OGFRL1: variants seen among roughly 807,000 people sequenced by gnomAD.
OGFRL1 encodes the protein opioid growth factor receptor like 1.
A neutral mutation model predicts 32.4 loss-of-function variants in OGFRL1; 26 were observed. The observed-to-expected ratio is 0.80, with a 90% CI of 0.59 to 1.11. OGFRL1 has a LOEUF of 1.11. Among genes scored for constraint, OGFRL1 ranks in the 50% most tolerant of loss-of-function variants. The pLI is 0.00. For synonymous variants in OGFRL1, 211 were observed against 201.2 expected (o/e 1.05, Z -0.41); for missense variants, 521 against 546.4 (o/e 0.95, Z 0.46).
intron 6 of OGFRL1, among the ~76,000 whole-genome samples, chr6:71,300,542 G>T (rs1028793847): frequency 6.6e-6 from 1 of 152,002 alleles, no homozygotes; most frequent in Non-Finnish European, 1.5e-5. Flanking sequence ...ATTAGGTTAA[G>T]TTGGATAGGT....
chr6:71,294,413 T>C (rs1766141000), intron 3 of OGFRL1, among the ~76,000 whole-genome samples: 1 of 152,214 alleles, frequency 6.6e-6, no homozygotes, highest in South Asian at 2.1e-4. Context: ...CAGTGGAAAC[T>C]GAGCCAGTTC....
intron 2 of OGFRL1, 37 bp from the exon 3 acceptor site, chr6:71,293,496 T>G (rs750418091): frequency 6.3e-7 from 1 of 1,583,460 alleles, no homozygotes; most frequent in Non-Finnish European, 8.7e-7. Flanking sequence ...ACTGTATTTC[T>G]ATGTGCTGGA....
chr6:71,294,893 A>G (rs1766155651), intron 3 of OGFRL1, among the ~76,000 whole-genome samples: 1 of 152,164 alleles, frequency 6.6e-6, no homozygotes, highest in Non-Finnish European at 1.5e-5. Flanking sequence ...AAAATATTAA[A>G]CATAAAGCTA....
rs369684122 is a variant in OGFRL1 at position 71,293,257 on chromosome 6, G to T, written c.235-36G>T. ...AAATTTCTTTGTGAAATTATCTTGCGTCAACATGTAAACGGAGTTTCACCT... is the reference window on the plus strand; with the variant it reads ...AAATTTCTTTGTGAAATTATCTTGCTTCAACATGTAAACGGAGTTTCACCT... On this transcript the variant is annotated intron_variant, in intron 1 of 6. Coordinates refer to ENST00000370435, the MANE Select transcript of OGFRL1 (RefSeq NM_024576.5). 3 of 1,540,294 alleles carry T rather than the reference G, an allele frequency of 1.9e-6. No homozygotes were observed. In the Admixed American group the frequency reaches 5.2e-5, roughly 27 times the overall value.
chr6:71,290,455 A>G (rs1253276919), intron 1 of OGFRL1, among the ~76,000 whole-genome samples: 1 of 152,188 alleles, frequency 6.6e-6, no homozygotes, highest in Admixed American at 6.5e-5. Flanking sequence ...GAAATTTGGA[A>G]TATCAAAAAA....
rs1332687773 is a variant in OGFRL1, at chr6:71,307,373, A to G, written c.*5324A>G. On this transcript the variant is annotated 3_prime_UTR_variant, in exon 7 of 7. Transcript: ENST00000370435. ...ACAATTTTGATGGGTATCAGTTCTC[A>G]TAAAATACCTGCTACAATTTATTTA... The G allele has an allele frequency of 2.0e-5, 3 of 152,218 alleles. No homozygotes were observed. The highest frequency in any genetic ancestry group is 4.4e-5 in the Non-Finnish European group (3 of 68,038). 9.4% of individuals were successfully genotyped at this position (152,218 alleles called of 1,614,324 possible).
chr6:71,295,426 A>C (rs1322290192), intron 3 of OGFRL1: 1 of 152,218 alleles, frequency 6.6e-6, no homozygotes, highest in Non-Finnish European at 1.5e-5. Context: ...CATTGACTAA[A>C]TGGCTAGTCA....
chr6:71,301,914 T>C lies in OGFRL1; in HGVS notation c.1221T>C (p.Pro407=), dbSNP rs1192020164. Residue 407 remains proline (P), a synonymous_variant, in exon 7 of 7, where the codon CCT becomes CCC. Transcript: ENST00000370435. ...DSNAENMNSQ[P]EKTVTTPTEK... The stretch of plus-strand genomic sequence containing the variant: ...ATGCTGAGAACATGAATTCTCAACC[T>C]GAGAAAACAGTTACTACTCCCACAG... 1 of 1,613,654 alleles carries C rather than the reference T, an allele frequency of 6.2e-7. No individual in the cohort carries two copies. Among genetic ancestry groups the C allele is most frequent in the African/African-American group, 1.3e-5 (1 of 74,854 alleles).
In OGFRL1 at chr6:71,303,297, C is replaced by G. The variant is rs1233092592; in HGVS notation, c.*1248C>G. On this transcript the variant is annotated 3_prime_UTR_variant, in exon 7 of 7. Transcript: ENST00000370435. ...CTGCAGAGGGTCCTGGAACCAACCC[C>G]CTACAGATATCAAGGGACCACTATA... 6.6e-6 allele frequency: 1 copy of G among 152,116 alleles called. No homozygotes were observed. Among genetic ancestry groups the G allele is most frequent in the Non-Finnish European group, 1.5e-5 (1 of 68,010 alleles). The allele number at this position is 152,116 out of a possible 1,614,324, so 9.4% of individuals were successfully genotyped here.
intron 3 of OGFRL1, among the ~76,000 whole-genome samples, 156 bp from the exon 4 acceptor site, chr6:71,296,161 T>C (rs572525526): frequency 1.3e-5 from 2 of 152,280 alleles, no homozygotes; most frequent in South Asian, 4.1e-4. Flanking sequence ...TAACCGAATA[T>C]ATGGGCATAG....
intron 6 of OGFRL1, among the ~76,000 whole-genome samples, chr6:71,297,903 T>C (rs1766262276): frequency 6.6e-6 from 1 of 151,638 alleles, no homozygotes; most frequent in African/African-American, 2.4e-5. Flanking sequence ...GCTGCACCTA[T>C]TTACTCGTCA....
In OGFRL1 at chr6:71,302,127, G is replaced by A. The variant is rs1582562305; in HGVS notation, c.*78G>A. 1 of 1,264,532 alleles carries A rather than the reference G, an allele frequency of 7.9e-7. No homozygotes were observed. Among genetic ancestry groups the A allele is most frequent in the South Asian group, 2.0e-5 (1 of 51,230 alleles). 78.3% of individuals were successfully genotyped at this position (1,264,532 alleles called of 1,614,324 possible). ...ATCATTTATCCTAAAGAACAGAGAT[G>A]AGGTCAATTTCAAATTTTAGCCATC... On this transcript the variant is annotated 3_prime_UTR_variant, in exon 7 of 7. Transcript: ENST00000370435.
At chr6:71,296,596 C>A in intron 5 of OGFRL1, 35 bp downstream of exon 5, 1 of 1,607,214 alleles carries the variant, frequency 6.2e-7, no homozygotes, top group Non-Finnish European at 8.5e-7. Flanking sequence ...TACAGGGTGG[C>A]CAAATAATAT....
intron 1 of OGFRL1, chr6:71,289,640 G>A (rs1765983287): frequency 1.0e-6 from 1 of 984,164 alleles, no homozygotes; most frequent in Non-Finnish European, 1.2e-6. Flanking sequence ...CTACAGTGGG[G>A]TCTAAGCCGT....
At chr6:71,296,285 G>A in intron 3 of OGFRL1, 32 bp from the exon 4 acceptor site, 2 of 1,428,124 alleles carry the variant, frequency 1.4e-6, no homozygotes, top group Non-Finnish European at 2.0e-6. Flanking sequence ...TGTTTGAAAT[G>A]TCTGGTTCAT....
In OGFRL1 at chr6:71,302,134, A is replaced by C; in HGVS notation, c.*85A>C. On this transcript the variant is annotated 3_prime_UTR_variant, in exon 7 of 7. Coordinates refer to ENST00000370435, the MANE Select transcript of OGFRL1 (RefSeq NM_024576.5). ...ATCCTAAAGAACAGAGATGAGGTCA[A>C]TTTCAAATTTTAGCCATCTGTTTGT... 8.3e-7 allele frequency: 1 copy of C among 1,208,982 alleles called. No homozygotes were observed. Among genetic ancestry groups the C allele is most frequent in the African/African-American group, 1.5e-5 (1 of 64,628 alleles). The allele number at this position is 1,208,982 out of a possible 1,614,324, so 74.9% of individuals were successfully genotyped here. A position where few individuals can be genotyped will look rare whatever the true frequency, so the allele number is the denominator to read the frequency against.
Position 71,301,635 on chromosome 6 carries a change from G to A in OGFRL1, c.942G>A (p.Pro314=), listed in dbSNP as rs774182663. The A allele has an allele frequency of 1.9e-5, 30 of 1,613,988 alleles. No individual in the cohort carries two copies. The highest frequency in any genetic ancestry group is 1.1e-4 in the South Asian group (10 of 91,078). Residue 314 remains proline (P), a synonymous_variant, in exon 7 of 7, where the codon CCG becomes CCA. Coordinates refer to ENST00000370435, the MANE Select transcript of OGFRL1 (RefSeq NM_024576.5). ...CTTCAGAGAACTTTATCTGGGGACCGCCTCGAAAAGAACAGTCGGAGGGAA... is the reference window on the plus strand; with the variant it reads ...CTTCAGAGAACTTTATCTGGGGACCACCTCGAAAAGAACAGTCGGAGGGAA... ...YTPSENFIWG[P]PRKEQSEGSK... is the part of the protein sequence containing the mutation.
intron 6 of OGFRL1, among the ~76,000 whole-genome samples, chr6:71,298,908 C>T (rs1265123167): frequency 6.6e-6 from 1 of 152,058 alleles, no homozygotes; most frequent in Non-Finnish European, 1.5e-5. Flanking sequence ...GAGTAGTTTA[C>T]AGTAGGCAGG....
At position 71,289,120 on chromosome 6, in the gene OGFRL1, G is replaced by A; in HGVS notation, c.184G>A (p.Gly62Ser). The A allele has an allele frequency of 1.8e-6, 2 of 1,109,828 alleles. No homozygotes were observed. Among genetic ancestry groups the A allele is most frequent in the Non-Finnish European group, 2.2e-6 (2 of 911,586 alleles). The allele number at this position is 1,109,828 out of a possible 1,614,324, so 68.7% of individuals were successfully genotyped here. A position where few individuals can be genotyped will look rare whatever the true frequency, so the allele number is the denominator to read the frequency against. ...QPPEQAGGRPGASPAPDEDAE... is the reference protein window; with the variant it reads ...QPPEQAGGRPSASPAPDEDAE... ...CCCGGAGCAAGCCGGCGGGCGGCCC[G>A]GCGCCAGCCCCGCGCCGGACGAGGA... The change falls in exon 1 of 7, where the codon GGC (glycine) becomes AGC (serine). Residue 62 changes from glycine to serine, a missense_variant. Transcript: ENST00000370435.
Sources: allele counts gnomAD v4.1 joint callset (sites outside exome capture counted in the v4.1 genomes callset), GRCh38; gene constraint gnomAD v4.1.1; transcripts MANE v1.5; gene names NCBI Gene and HGNC (gene_info 2026-07-23, HGNC 2026-07-21).